MAGI2: variants seen among roughly 807,000 people sequenced by gnomAD.
The protein encoded by MAGI2 is membrane associated guanylate kinase, WW and PDZ domain containing 2, also known as membrane-associated guanylate kinase, WW and PDZ domain-containing protein 2.
In MAGI2, 35 loss-of-function variants were observed where a neutral mutation model predicts 133.3. That is an observed-to-expected ratio of 0.26 (90% CI 0.20 to 0.35). The LOEUF is 0.35. MAGI2 is among the 10% of genes least tolerant of loss of function. The pLI is 1.00. For missense variants in MAGI2, 1,636 were observed against 1,863.4 expected (o/e 0.88, Z 2.25); for synonymous variants, 729 against 710.6 (o/e 1.03, Z -0.41).
intron 10 of MAGI2, 132 bp downstream of exon 10, chr7:78,255,811 C>G (rs2150949894): frequency 1.1e-6 from 1 of 935,910 alleles, no homozygotes; most frequent in Admixed American, 2.6e-5. Flanking sequence ...GTTTTTCTCT[C>G]TCACTCTTTA....
intron 1 of MAGI2, among the ~76,000 whole-genome samples, chr7:79,148,228 G>A (rs1585046418): frequency 6.6e-6 from 1 of 152,182 alleles, no homozygotes; most frequent in Non-Finnish European, 1.5e-5. Flanking sequence ...GTGACAGAGA[G>A]AATGTGGGAT....
chr7:79,389,921 A>G (rs1400409617), intron 1 of MAGI2, among the ~76,000 whole-genome samples: 10 of 152,160 alleles, frequency 6.6e-5, no homozygotes, highest in Non-Finnish European at 1.3e-4. Flanking sequence ...CTGAGATTCA[A>G]ATGCTATGAG....
At chr7:78,450,300 G>T (rs1336713357) in intron 6 of MAGI2, among the ~76,000 whole-genome samples, 1 of 152,040 alleles carries the variant, frequency 6.6e-6, no homozygotes, top group Admixed American at 6.6e-5. Flanking sequence ...GACATTTTAG[G>T]ATATATTCTT....
intron 20 of MAGI2, among the ~76,000 whole-genome samples, chr7:78,091,198 G>A (rs1817173282): frequency 6.6e-6 from 1 of 152,142 alleles, no homozygotes; most frequent in Non-Finnish European, 1.5e-5. Flanking sequence ...GTCTGAATGT[G>A]TCCCTCCAAA....
chr7:78,941,147 C>A (rs913029105), intron 2 of MAGI2, among the ~76,000 whole-genome samples: 45 of 152,246 alleles, frequency 3.0e-4, no homozygotes, highest in African/African-American at 1.1e-3. Flanking sequence ...GTCCTCACTG[C>A]TCCCCAGCAT....
chr7:78,074,457 T>C (rs1815058876), intron 21 of MAGI2, among the ~76,000 whole-genome samples: 1 of 152,100 alleles, frequency 6.6e-6, no homozygotes, highest in Non-Finnish European at 1.5e-5. Context: ...CATAGGGATA[T>C]CAAAAGGAGG....
chr7:79,300,077 T>C (rs1837279501), intron 1 of MAGI2, among the ~76,000 whole-genome samples: 1 of 152,150 alleles, frequency 6.6e-6, no homozygotes, highest in Non-Finnish European at 1.5e-5. Context: ...GTATTTTTTT[T>C]AGAGCAGTGT....
At chr7:78,453,984 C>T (rs1563020259) in intron 6 of MAGI2, among the ~76,000 whole-genome samples, 1 of 151,894 alleles carries the variant, frequency 6.6e-6, no homozygotes, top group Non-Finnish European at 1.5e-5. Context: ...ATGATAAAAT[C>T]GGGATAATTG....
chr7:78,610,173 C>CT (rs1483431041), intron 3 of MAGI2, among the ~76,000 whole-genome samples: 1 of 152,170 alleles, frequency 6.6e-6, no homozygotes, highest in African/African-American at 2.4e-5. Flanking sequence ...TTCTGGAGAA[C>CT]TTTGCCCCAG....
chr7:78,251,260 C>G (rs978720107), intron 10 of MAGI2, among the ~76,000 whole-genome samples: 1 of 152,118 alleles, frequency 6.6e-6, no homozygotes, highest in Non-Finnish European at 1.5e-5. Context: ...TATAAAAATC[C>G]TGTCCTAAAA....
At chr7:78,607,544 A>G (rs1484441368) in intron 3 of MAGI2, among the ~76,000 whole-genome samples, 1 of 151,398 alleles carries the variant, frequency 6.6e-6, no homozygotes, top group Non-Finnish European at 1.5e-5. Flanking sequence ...ACTGCATTGT[A>G]TTGAGAGGAA....
At chr7:78,065,365 C>T (rs1034763521) in intron 21 of MAGI2, among the ~76,000 whole-genome samples, 1 of 152,060 alleles carries the variant, frequency 6.6e-6, no homozygotes, top group African/African-American at 2.4e-5. Context: ...CTAGGCTGGC[C>T]CCTGCTAGAA....
At chr7:78,990,900 G>GTGCA (rs1317283285) in intron 2 of MAGI2, among the ~76,000 whole-genome samples, 1 of 76,950 alleles carries the variant, frequency 1.3e-5, no homozygotes, top group Non-Finnish European at 2.6e-5. Context: ...GATTTTATAT[G>GTGCA]TACATACACA....
chr7:78,953,528 A>G (rs1306499363), intron 2 of MAGI2, among the ~76,000 whole-genome samples: 1 of 152,128 alleles, frequency 6.6e-6, no homozygotes, highest in Non-Finnish European at 1.5e-5. Flanking sequence ...ACATTATGAC[A>G]TTTTCCTTCC....
Position 78,437,003 on chromosome 7 carries a change from C to T in MAGI2, c.1045+52758G>A, listed in dbSNP as rs1217016261. On this transcript the variant is annotated intron_variant, in intron 6 of 21. Coordinates refer to ENST00000354212, the MANE Select transcript of MAGI2 (RefSeq NM_012301.4). ...CTCTAAGGCTGATCTATACCAAACG[C>T]AGAGTAGAGTCAGAGTGATGACACA... 2.6e-5 allele frequency among the ~76,000 whole-genome samples: 4 copies of T among 152,280 alleles called. No homozygotes were observed. The East Asian group carries it at 5.8e-4, about 22-fold the overall frequency.
chr7:79,309,216 T>C (rs906254465), intron 1 of MAGI2, among the ~76,000 whole-genome samples: 3 of 152,014 alleles, frequency 2.0e-5, no homozygotes, highest in Non-Finnish European at 4.4e-5. Context: ...ATGTGTGATA[T>C]AAACTCTGAT....
intron 10 of MAGI2, among the ~76,000 whole-genome samples, chr7:78,230,225 T>A (rs997766027): frequency 5.9e-5 from 9 of 152,250 alleles, no homozygotes; most frequent in Admixed American, 2.6e-4. Flanking sequence ...TAAAGTGTTT[T>A]CAGACATTTT....
At chr7:78,675,388 A>G (rs1814905468) in intron 2 of MAGI2, among the ~76,000 whole-genome samples, 1 of 152,034 alleles carries the variant, frequency 6.6e-6, no homozygotes, top group African/African-American at 2.4e-5. Context: ...AAGCAGAGGT[A>G]AGAGGAGGAA....
At position 78,557,080 on chromosome 7, in the gene MAGI2, C is replaced by CAAAAAAAAAAAAAA. The variant is rs796371005; in HGVS notation, c.539-35449_539-35436dup. 6.1e-3 allele frequency among the ~76,000 whole-genome samples: 247 copies of CAAAAAAAAAAAAAA among 40,766 alleles called. 7 individuals are homozygous for CAAAAAAAAAAAAAA. The highest frequency in any genetic ancestry group is 7.1e-3 in the Non-Finnish European group (163 of 22,820). 26.7% of individuals were successfully genotyped at this position (40,766 alleles called of 152,430 possible). A position where few individuals can be genotyped will look rare whatever the true frequency, so the allele number is the denominator to read the frequency against. Reference sequence around the variant, plus strand: ...TACTCCAGCCTGGGTGGCAGAGTCTCAAAAAAAAAAAAAAAAAAAAGAAAA... The same window carrying CAAAAAAAAAAAAAA: ...TACTCCAGCCTGGGTGGCAGAGTCTCAAAAAAAAAAAAAAAAAAAAAAAAAAAAAAAAAAGAAAA... On this transcript the variant is annotated intron_variant, in intron 3 of 21. Transcript: ENST00000354212.
Sources: allele counts gnomAD v4.1 joint callset (sites outside exome capture counted in the v4.1 genomes callset), GRCh38; gene constraint gnomAD v4.1.1; transcripts MANE v1.5; gene names NCBI Gene and HGNC (gene_info 2026-07-23, HGNC 2026-07-21).